The following ZBTB11 variants were observed in gnomAD, a reference collection of about 807,000 sequenced individuals.
The protein encoded by ZBTB11 is zinc finger and BTB domain containing 11, also known as zinc finger and BTB domain-containing protein 11.
A neutral mutation model predicts 113.1 loss-of-function variants in ZBTB11; 68 were observed. The observed-to-expected ratio is 0.60, with a 90% CI of 0.49 to 0.74. The LOEUF is 0.74. ZBTB11 is among the 30% of genes least tolerant of loss of function. ZBTB11 has a pLI of 0.00. For synonymous variants in ZBTB11, 518 were observed against 452.6 expected, an observed-to-expected ratio of 1.14 and a Z score of -1.83; for missense variants, 1,104 against 1,279.4, an observed-to-expected ratio of 0.86 and a Z score of 2.09.
chr3:101,660,425 A>G (rs1559984002), intron 5 of ZBTB11, among the ~76,000 whole-genome samples: 1 of 152,158 alleles, frequency 6.6e-6, no homozygotes, highest in Non-Finnish European at 1.5e-5. Context: ...AGAAATCTTC[A>G]ATTTTTAAAA....
At chr3:101,675,605 A>G (rs1173407525) in intron 1 of ZBTB11, among the ~76,000 whole-genome samples, 1 of 152,238 alleles carries the variant, frequency 6.6e-6, no homozygotes, top group Non-Finnish European at 1.5e-5. Flanking sequence ...TGGAGAGTGA[A>G]GATGGTTAAG....
chr3:101,671,773 C>T (rs1015898641), intron 2 of ZBTB11: 1 of 603,508 alleles, frequency 1.7e-6, no homozygotes, highest in South Asian at 2.0e-5. Context: ...AACAAACCAA[C>T]AGGTAATTAT....
At chr3:101,662,581 C>T (rs1019856724) in intron 5 of ZBTB11, among the ~76,000 whole-genome samples, 4 of 152,022 alleles carry the variant, frequency 2.6e-5, no homozygotes, top group Non-Finnish European at 5.9e-5. Flanking sequence ...CTCCAGCCTG[C>T]GCAACAAGAA....
At chr3:101,674,032 C>CTTT (rs1405853607) in intron 1 of ZBTB11, among the ~76,000 whole-genome samples, 1 of 102,702 alleles carries the variant, frequency 9.7e-6, no homozygotes, top group African/African-American at 4.3e-5. Flanking sequence ...TTCACAGAGA[C>CTTT]TGTTTTTTTT....
At chr3:101,672,312 GCAGA>G in intron 1 of ZBTB11, 99 bp from the exon 2 acceptor site, 1 of 758,450 alleles carries the variant, frequency 1.3e-6, no homozygotes, top group Non-Finnish European at 2.1e-6. Flanking sequence ...GTACATATGT[GCAGA>G]CATTCATGTC....
chr3:101,674,229 T>C (rs1026974029), intron 1 of ZBTB11, among the ~76,000 whole-genome samples: 2 of 151,810 alleles, frequency 1.3e-5, no homozygotes, highest in Non-Finnish European at 2.9e-5. Context: ...GGCACCAGAA[T>C]CACGTGAGCC....
intron 3 of ZBTB11, among the ~76,000 whole-genome samples, chr3:101,668,732 G>A (rs1937036492): frequency 6.6e-6 from 1 of 151,578 alleles, no homozygotes; most frequent in Non-Finnish European, 1.5e-5. Flanking sequence ...ATTACTAATT[G>A]TATACATGTA....
chr3:101,662,342 C>T (rs944026330), intron 5 of ZBTB11, among the ~76,000 whole-genome samples: 1 of 152,100 alleles, frequency 6.6e-6, no homozygotes, highest in Non-Finnish European at 1.5e-5. Context: ...AAACATAGTA[C>T]CGCTGGGAGC....
intron 8 of ZBTB11, 69 bp from the exon 9 acceptor site, chr3:101,653,007 A>C (rs1452885128): frequency 4.0e-6 from 6 of 1,502,646 alleles, no homozygotes; most frequent in Admixed American, 2.3e-5. Context: ...AGAACTCAGT[A>C]ACTATTTTTA....
In ZBTB11 at chr3:101,677,087, C is replaced by T. The variant is rs1937191903; in HGVS notation, c.-173G>A. ...GAAGGAAAAGCGGGCGAGTTGGTAA[C>T]CAGGGGGAACTGCACTTCTCCAGCG... is the stretch of plus-strand genomic sequence containing the variant. On this transcript the variant is annotated 5_prime_UTR_variant, in exon 1 of 11. Transcript: ENST00000312938. 1.4e-6 allele frequency: 1 copy of T among 690,192 alleles called. No homozygotes were observed. The highest frequency in any genetic ancestry group is 2.3e-6 in the Non-Finnish European group (1 of 439,826). The allele number at this position is 690,192 out of a possible 1,614,324, so 42.8% of individuals were successfully genotyped here.
chr3:101,667,453 T>C (rs1164598065), intron 3 of ZBTB11, among the ~76,000 whole-genome samples: 3 of 152,206 alleles, frequency 2.0e-5, no homozygotes, highest in Non-Finnish European at 4.4e-5. Context: ...AAATATACAA[T>C]TGAGAGCCAT....
chr3:101,658,791 A>G lies in ZBTB11; in HGVS notation c.2046+992T>C, dbSNP rs541333871. Among the ~76,000 whole-genome samples, 299 of 152,310 alleles carry G rather than the reference A, an allele frequency of 2.0e-3. 1 individual carries two copies. The highest frequency in any genetic ancestry group is 3.4e-3 in the Non-Finnish European group (232 of 68,026). On this transcript the variant is annotated intron_variant, in intron 6 of 10. Coordinates refer to ENST00000312938, the MANE Select transcript of ZBTB11 (RefSeq NM_014415.4). ...AGGCATAAAAGACTACACCCTGGGT[A>G]TAGTGTATACTGCTTAAGTAATGGG... is the stretch of plus-strand genomic sequence containing the variant.
intron 2 of ZBTB11, 115 bp downstream of exon 2, chr3:101,671,863 C>A: frequency 1.3e-6 from 1 of 776,252 alleles, no homozygotes; most frequent in South Asian, 1.4e-5. Flanking sequence ...AGTACACTGC[C>A]ATTTTGTCTT....
Position 101,652,807 on chromosome 3 carries a change from T to C in ZBTB11, c.2441A>G (p.Lys814Arg), listed in dbSNP as rs975398989. Residue 814 changes from lysine (K) to arginine (R), a missense_variant, in exon 9 of 11, where the codon AAG (lysine) becomes AGG (arginine). Coordinates refer to ENST00000312938, the MANE Select transcript of ZBTB11 (RefSeq NM_014415.4). ...SWKKDWYSHV[K>R]SHSVTEPYRC... is the part of the protein sequence containing the mutation. ...ATAAGGCTCAGTGACAGAATGAGAC[T>C]TCACATGGGAATACCAATCTTTCTT... 6 of 1,613,728 alleles carry C rather than the reference T, an allele frequency of 3.7e-6. No homozygotes were observed. Among genetic ancestry groups the C allele is most frequent in the Middle Eastern group, 1.6e-4 (1 of 6,082 alleles).
At position 101,651,488 on chromosome 3, in the gene ZBTB11, A is replaced by G; in HGVS notation, c.2840T>C (p.Leu947Pro). 1 of 1,614,104 alleles carries G rather than the reference A, an allele frequency of 6.2e-7. No homozygotes were observed. Among genetic ancestry groups the G allele is most frequent in the Admixed American group, 1.7e-5 (1 of 60,006 alleles). The stretch of plus-strand genomic sequence containing the variant: ...ATGAAACTGAAGGGTGTCTTTTTCC[A>G]GCATAATTTTGCAAGGCACATAGTC... The part of the protein sequence containing the change: ...HRDYVPCKIM[L>P]EKDTLQFHNQ... The change falls in exon 11 of 11, where the codon CTG becomes CCG. Residue 947 changes from leucine to proline, a missense_variant. Physicochemically the swap from Leu to Pro is moderately conservative, Grantham distance 98 (BLOSUM62 -3). Coordinates refer to ENST00000312938, the MANE Select transcript of ZBTB11 (RefSeq NM_014415.4).
At chr3:101,661,178 G>A (rs2108320088) in intron 5 of ZBTB11, among the ~76,000 whole-genome samples, 1 of 148,688 alleles carries the variant, frequency 6.7e-6, no homozygotes, top group South Asian at 2.1e-4. Context: ...AGGTTGCAGT[G>A]AGCTGTGATA....
At position 101,651,671 on chromosome 3, in the gene ZBTB11, A is replaced by T; in HGVS notation, c.2657T>A (p.Phe886Tyr). Residue 886 changes from phenylalanine (F) to tyrosine (Y), a missense_variant, in exon 11 of 11, where the codon TTT (phenylalanine) becomes TAT (tyrosine). By Grantham distance (22) the Phe-to-Tyr change is conservative (BLOSUM62 3). Transcript: ENST00000312938. Reference protein sequence around the residue: ...HMNNHEGVKPFECLTCGVAWA... With the variant: ...HMNNHEGVKPYECLTCGVAWA... ...AGCTACTCCACATGTTAAGCACTCA[A>T]ATGGCTTAACTCCTAAAAAAAAAAA... 1 of 1,528,682 alleles carries T rather than the reference A, an allele frequency of 6.5e-7. No individual in the cohort carries two copies. The highest frequency in any genetic ancestry group is 8.8e-7 in the Non-Finnish European group (1 of 1,142,700). 94.7% of individuals were successfully genotyped at this position (1,528,682 alleles called of 1,614,324 possible). A position where few individuals can be genotyped will look rare whatever the true frequency, so the allele number is the denominator to read the frequency against.
At chr3:101,666,042 G>T (rs1443134665) in intron 3 of ZBTB11, among the ~76,000 whole-genome samples, 1 of 152,088 alleles carries the variant, frequency 6.6e-6, no homozygotes, top group Non-Finnish European at 1.5e-5. Context: ...TACCTCAAGA[G>T]TTGCTGTAAG....
At position 101,676,686 on chromosome 3, in the gene ZBTB11, C is replaced by T. The variant is rs758014364; in HGVS notation, c.229G>A (p.Ala77Thr). ...GTGCCGCCGGGACCCAGGTGCGCCG[C>T]CTCGATGAGGTCCCGGCGTCGCTCC... ...QPERRRDLIE[A>T]AHLGPGGTHH... Residue 77 changes from alanine to threonine, a missense_variant, in exon 1 of 11, where the codon GCG (alanine) becomes ACG (threonine). Coordinates refer to ENST00000312938, the MANE Select transcript of ZBTB11 (RefSeq NM_014415.4). 1.9e-6 allele frequency: 3 copies of T among 1,598,392 alleles called. No homozygotes were observed. Among genetic ancestry groups the T allele is most frequent in the Non-Finnish European group, 2.6e-6 (3 of 1,171,770 alleles).
Sources: allele counts gnomAD v4.1 joint callset (sites outside exome capture counted in the v4.1 genomes callset), GRCh38; gene constraint gnomAD v4.1.1; transcripts MANE v1.5; gene names NCBI Gene and HGNC (gene_info 2026-07-23, HGNC 2026-07-21).